Variants in CNTNAP2 observed in about 807,000 individuals in gnomAD.
The protein encoded by CNTNAP2 is contactin associated protein 2.
Under a neutral mutation model 155.2 loss-of-function variants are expected in CNTNAP2, and 98 were observed. The ratio of observed to expected loss-of-function variants is 0.63; its 90% CI spans 0.54 to 0.75. The LOEUF (loss-of-function observed/expected upper bound fraction) is 0.75, where lower values mean the gene tolerates loss of function less well. Among genes scored for constraint, CNTNAP2 ranks in the 30% least tolerant of loss-of-function variants. The pLI, the probability that CNTNAP2 is intolerant of heterozygous loss-of-function variation, is 0.00. For synonymous variants in CNTNAP2, 651 were observed against 631.2 expected, an observed-to-expected ratio of 1.03 and a Z score of -0.47; for missense variants, 1,727 against 1,688.1, an observed-to-expected ratio of 1.02 and a Z score of -0.40.
intron 3 of CNTNAP2, among the ~76,000 whole-genome samples, chr7:146,948,661 T>A (rs1201146033): frequency 6.6e-6 from 1 of 152,200 alleles, no homozygotes; most frequent in East Asian, 1.9e-4. Context: ...GAGTATATAA[T>A]TGTGTATGAT....
chr7:146,234,354 G>C (rs968510394), intron 1 of CNTNAP2, among the ~76,000 whole-genome samples: 62 of 152,136 alleles, frequency 4.1e-4, no homozygotes, highest in Middle Eastern at 3.4e-3. Context: ...TGTATATTCT[G>C]GATATTAGCC....
chr7:147,061,520 T>C (rs1393116810), intron 4 of CNTNAP2, among the ~76,000 whole-genome samples: 3 of 137,176 alleles, frequency 2.2e-5, no homozygotes, highest in African/African-American at 6.8e-5. Flanking sequence ...CAGGGTCTTA[T>C]CGTGTCATTG....
At chr7:148,002,382 C>G (rs1801913957) in intron 15 of CNTNAP2, among the ~76,000 whole-genome samples, 2 of 151,996 alleles carry the variant, frequency 1.3e-5, no homozygotes, top group Admixed American at 1.3e-4. Context: ...TAAGAATTTC[C>G]TTATCTATGA....
Position 148,232,118 on chromosome 7 carries a change from A to G in CNTNAP2, c.3381+2339A>G, listed in dbSNP as rs77102431. On this transcript the variant is annotated intron_variant, in intron 20 of 23. Transcript: ENST00000361727. ...AGATGTCACGGCCTGGGGAGCTCCA[A>G]TCTCTCAGCCCAGCCTGTCCCATCT... Among the ~76,000 whole-genome samples, 716 of 152,278 alleles carry G rather than the reference A, an allele frequency of 4.7e-3. 28 individuals are homozygous for G. In the East Asian group the frequency reaches 0.091, roughly 19 times the overall value.
intron 9 of CNTNAP2, among the ~76,000 whole-genome samples, chr7:147,341,703 A>G (rs1378365586): frequency 6.6e-6 from 1 of 150,628 alleles, no homozygotes; most frequent in Non-Finnish European, 1.5e-5. Flanking sequence ...TTTTTTTTTT[A>G]ATATACAACT....
chr7:146,865,631 A>G lies in CNTNAP2; in HGVS notation c.402+25727A>G, dbSNP rs182131598. 3.6e-3 allele frequency among the ~76,000 whole-genome samples: 554 copies of G among 152,286 alleles called. 2 individuals are homozygous for G. The highest frequency in any genetic ancestry group is 0.013 in the African/African-American group (529 of 41,576). ...AACACTGCTGCTTCACATTCTACACAAAAATGGATCATGTACCTAAATGTA... is the reference window on the plus strand; with the variant it reads ...AACACTGCTGCTTCACATTCTACACGAAAATGGATCATGTACCTAAATGTA... On this transcript the variant is annotated intron_variant, in intron 3 of 23. Coordinates refer to ENST00000361727, the MANE Select transcript of CNTNAP2 (RefSeq NM_014141.6).
chr7:147,675,737 A>G lies in CNTNAP2; in HGVS notation c.2098+36431A>G, dbSNP rs549697426. 2.0e-5 allele frequency among the ~76,000 whole-genome samples: 3 copies of G among 152,116 alleles called. No homozygotes were observed. The East Asian group carries it at 5.8e-4, about 29-fold the overall frequency. On this transcript the variant is annotated intron_variant, in intron 13 of 23. Coordinates refer to ENST00000361727, the MANE Select transcript of CNTNAP2 (RefSeq NM_014141.6). ...AAGTTGACACATAAAATTAACCATCACACAGGGGTTAGCGTTTGGGCATGT... is the reference window on the plus strand; with the variant it reads ...AAGTTGACACATAAAATTAACCATCGCACAGGGGTTAGCGTTTGGGCATGT...
chr7:146,912,822 A>T (rs896588791), intron 3 of CNTNAP2, among the ~76,000 whole-genome samples: 1 of 152,168 alleles, frequency 6.6e-6, no homozygotes, highest in African/African-American at 2.4e-5. Flanking sequence ...TTACTGTGCT[A>T]ATGACTTTTC....
At chr7:146,905,537 A>G (rs1386110435) in intron 3 of CNTNAP2, among the ~76,000 whole-genome samples, 2 of 152,138 alleles carry the variant, frequency 1.3e-5, no homozygotes, top group Admixed American at 1.3e-4. Context: ...ATTTATAAAG[A>G]AAGTGTATAG....
At chr7:147,184,297 T>G (rs1309947024) in intron 8 of CNTNAP2, among the ~76,000 whole-genome samples, 1 of 152,122 alleles carries the variant, frequency 6.6e-6, no homozygotes, top group Non-Finnish European at 1.5e-5. Context: ...AACTTGTGGG[T>G]TTTCCAATGC....
At chr7:146,426,170 A>G (rs1318507936) in intron 1 of CNTNAP2, among the ~76,000 whole-genome samples, 1 of 131,288 alleles carries the variant, frequency 7.6e-6, no homozygotes, top group Middle Eastern at 3.8e-3. Flanking sequence ...TGGGCTACAG[A>G]GTGAGACTTC....
At chr7:146,273,449 A>C (rs1356219340) in intron 1 of CNTNAP2, among the ~76,000 whole-genome samples, 1 of 152,172 alleles carries the variant, frequency 6.6e-6, no homozygotes, top group Non-Finnish European at 1.5e-5. Context: ...TATATGTCTC[A>C]AATACTCAAT....
chr7:147,624,982 T>C (rs1234559055), intron 12 of CNTNAP2, among the ~76,000 whole-genome samples: 1 of 152,170 alleles, frequency 6.6e-6, no homozygotes, highest in East Asian at 1.9e-4. Context: ...GAGATCATTA[T>C]GTTAAGTGAA....
At chr7:148,331,755 C>T (rs796624272) in intron 21 of CNTNAP2, among the ~76,000 whole-genome samples, 5,762 of 66,896 alleles carry the variant, frequency 0.086, 1,186 homozygotes, top group East Asian at 0.14. Context: ...ATGGAACGGA[C>T]GGATGGATTG....
chr7:147,439,314 T>C (rs1797601820), intron 10 of CNTNAP2, among the ~76,000 whole-genome samples: 1 of 151,968 alleles, frequency 6.6e-6, no homozygotes, highest in Admixed American at 6.6e-5. Flanking sequence ...TCAGAAAAAT[T>C]CCAATTTTCT....
At chr7:147,534,803 T>C (rs1408519989) in intron 11 of CNTNAP2, among the ~76,000 whole-genome samples, 1 of 152,148 alleles carries the variant, frequency 6.6e-6, no homozygotes, top group Non-Finnish European at 1.5e-5. Context: ...TATCCACTCG[T>C]TGAAATTTAT....
In CNTNAP2 at chr7:147,866,947, C is replaced by T. The variant is rs573230317; in HGVS notation, c.2099-36618C>T. ...TTAACTGGGGCTTTTAGCCCATTTA[C>T]ATTTAAGGTTAATATTGTTATGTGT... On this transcript the variant is annotated intron_variant, in intron 13 of 23. Coordinates refer to ENST00000361727, the MANE Select transcript of CNTNAP2 (RefSeq NM_014141.6). 2.0e-5 allele frequency among the ~76,000 whole-genome samples: 3 copies of T among 152,280 alleles called. No homozygotes were observed. In the South Asian group the frequency reaches 6.2e-4, roughly 32 times the overall value.
intron 9 of CNTNAP2, among the ~76,000 whole-genome samples, chr7:147,304,207 T>C (rs1057336354): frequency 2.6e-5 from 4 of 152,176 alleles, no homozygotes; most frequent in Non-Finnish European, 5.9e-5. Flanking sequence ...CCAAGAATTC[T>C]TTTAATTTTT....
At chr7:146,488,236 T>G (rs1021056980) in intron 1 of CNTNAP2, among the ~76,000 whole-genome samples, 2 of 150,586 alleles carry the variant, frequency 1.3e-5, no homozygotes, top group Middle Eastern at 3.4e-3. Context: ...CTTCAGGCTT[T>G]CTTTCTTTCC....
Sources: gnomAD v4.1 joint callset for allele counts (sites outside exome capture counted in the v4.1 genomes callset) on GRCh38, gnomAD v4.1.1 for gene constraint, MANE v1.5 for transcripts, NCBI Gene and HGNC (gene_info 2026-07-23, HGNC 2026-07-21) for gene names.